The following DOP1A variants were observed in gnomAD, a reference collection of about 807,000 sequenced individuals.
The protein encoded by DOP1A is DOP1 leucine zipper like protein A, also known as protein DOP1A.
In DOP1A, 90 loss-of-function variants were observed where a neutral mutation model predicts 267.6. That is an observed-to-expected ratio of 0.34 (90% confidence interval 0.28 to 0.40). The LOEUF is 0.40. Among genes scored for constraint, DOP1A ranks in the 10% least tolerant of loss-of-function variants. DOP1A has a pLI of 1.00. For missense variants in DOP1A, 2,437 were observed against 2,900.4 expected, an observed-to-expected ratio of 0.84 and a Z score of 3.67; for synonymous variants, 932 against 999.1, an observed-to-expected ratio of 0.93 and a Z score of 1.27.
intron 15 of DOP1A, among the ~76,000 whole-genome samples, chr6:83,126,959 G>C (rs1275184832): frequency 6.6e-6 from 1 of 152,116 alleles, no homozygotes; most frequent in African/African-American, 2.4e-5. Context: ...CTGATTGGTT[G>C]GCTCGGGGAT....
At chr6:83,077,565 A>G (rs752211095) in intron 1 of DOP1A, among the ~76,000 whole-genome samples, 1 of 151,378 alleles carries the variant, frequency 6.6e-6, no homozygotes, top group East Asian at 1.9e-4. Flanking sequence ...AATCCTGGCT[A>G]CTCAGGAGGC....
At chr6:83,147,125 CT>C (rs1780757861) in intron 25 of DOP1A, 110 bp from the exon 26 acceptor site, 1 of 448,634 alleles carries the variant, frequency 2.2e-6, no homozygotes, top group Non-Finnish European at 3.9e-6. Context: ...TGATTTTGTT[CT>C]TTCAATTTTT....
intron 3 of DOP1A, among the ~76,000 whole-genome samples, chr6:83,100,293 A>G (rs962899210): frequency 2.6e-5 from 4 of 152,176 alleles, no homozygotes; most frequent in Non-Finnish European, 5.9e-5. Flanking sequence ...TACTGTAAAT[A>G]TCTACTTTGA....
intron 1 of DOP1A, among the ~76,000 whole-genome samples, chr6:83,087,829 T>C (rs1769559655): frequency 6.6e-6 from 1 of 152,112 alleles, no homozygotes; most frequent in South Asian, 2.1e-4. Context: ...AGGACAAGCT[T>C]TGGGGAAAAC....
intron 8 of DOP1A, 128 bp downstream of exon 8, chr6:83,119,115 A>G (rs1210335847): frequency 1.4e-6 from 1 of 730,418 alleles, no homozygotes; most frequent in Non-Finnish European, 2.3e-6. Flanking sequence ...AATGGACAAT[A>G]AAAATATAAA....
intron 1 of DOP1A, among the ~76,000 whole-genome samples, chr6:83,082,197 G>A (rs898793446): frequency 6.6e-6 from 1 of 152,136 alleles, no homozygotes; most frequent in Non-Finnish European, 1.5e-5. Flanking sequence ...AATGAAATCA[G>A]TATGTCAAAG....
chr6:83,104,481 A>T lies in DOP1A; in HGVS notation c.320+3595A>T, dbSNP rs191867471. Among the ~76,000 whole-genome samples, 428 of 152,106 alleles carry T rather than the reference A, an allele frequency of 2.8e-3. 2 individuals carry two copies. Among genetic ancestry groups the T allele is most frequent in the Non-Finnish European group, 5.1e-3 (347 of 67,958 alleles). The stretch of plus-strand genomic sequence containing the variant: ...CTTTGTTTAGTAGAGAATGGCTATG[A>T]TTTTACATTTTTATCTAATTTTGTT... On this transcript the variant is annotated intron_variant, in intron 4 of 38. Transcript: ENST00000349129.
Position 83,152,004 on chromosome 6 carries a change from C to G in DOP1A, c.6026C>G (p.Thr2009Ser). ...KPSPKIMVDG[T>S]NLESDVEDML... ...TCTCCCAAAATAATGGTAGATGGAA[C>G]CAATTTGGAATCTGATGTTGAAGGT... The change falls in exon 29 of 39, where the codon ACC becomes AGC. Residue 2009 changes from threonine to serine, a missense_variant. Transcript: ENST00000349129. 1.9e-6 allele frequency: 3 copies of G among 1,613,648 alleles called. No homozygotes were observed. Among genetic ancestry groups the G allele is most frequent in the Non-Finnish European group, 2.5e-6 (3 of 1,179,828 alleles).
chr6:83,123,011 T>C lies in DOP1A; in HGVS notation c.1340+29T>C, dbSNP rs750617328. On this transcript the variant is annotated intron_variant, in intron 12 of 38. Transcript: ENST00000349129. The stretch of plus-strand genomic sequence containing the variant: ...TGTTAAACTTTCATTCCTTTTAATT[T>C]CGTAACATCTAAAGCTAACCTTTGG... 6 of 1,572,288 alleles carry C rather than the reference T, an allele frequency of 3.8e-6. No homozygotes were observed. In the East Asian group the frequency reaches 1.2e-4, roughly 30 times the overall value.
At chr6:83,112,038 C>G (rs1305356349) in intron 6 of DOP1A, among the ~76,000 whole-genome samples, 1 of 152,018 alleles carries the variant, frequency 6.6e-6, no homozygotes, top group African/African-American at 2.4e-5. Context: ...AATGGCTATG[C>G]TTTTTAAATT....
intron 4 of DOP1A, among the ~76,000 whole-genome samples, chr6:83,107,173 G>A (rs555736699): frequency 6.1e-4 from 93 of 151,496 alleles, no homozygotes; most frequent in African/African-American, 2.1e-3. Context: ...TTTTTTTCTC[G>A]TTTTAGAATT....
chr6:83,145,579 T>A lies in DOP1A; in HGVS notation c.5597T>A (p.Ile1866Asn). ...QLLLVELVRSISVMRAETVIQ... is the reference protein window; with the variant it reads ...QLLLVELVRSNSVMRAETVIQ... ...TTATTAGTGGAATTGGTTCGTTCAA[T>A]CAGTGTCATGAGAGCAGAAACTGTT... Residue 1866 changes from isoleucine to asparagine, a missense_variant, in exon 25 of 39, where the codon ATC becomes AAC. Around this residue, in one of 9 missense-constraint regions of DOP1A, gnomAD observed 307 missense variants for 308.6 expected, o/e 0.99. Transcript: ENST00000349129. 6.2e-7 allele frequency: 1 copy of A among 1,612,530 alleles called. No homozygotes were observed. Among genetic ancestry groups the A allele is most frequent in the Admixed American group, 1.7e-5 (1 of 59,960 alleles).
rs149855399 is a variant in DOP1A, at chr6:83,137,980, C to G, written c.3938C>G (p.Ser1313Cys). ...ARKKDDDKKK[S>C]SNEKLKQTSV... Reference sequence around the variant, plus strand: ...AAAAAGGATGATGACAAGAAAAAATCTTCAAATGAAAAACTCAAACAAACC... The same window carrying G: ...AAAAAGGATGATGACAAGAAAAAATGTTCAAATGAAAAACTCAAACAAACC... The change falls in exon 21 of 39, where the codon TCT becomes TGT. Residue 1313 changes from serine to cysteine, a missense_variant. Ser to Cys is a moderately radical substitution (Grantham distance 112). Around this residue, in one of 9 missense-constraint regions of DOP1A, gnomAD observed 878 missense variants for 992.9 expected, o/e 0.88. Transcript: ENST00000349129. The G allele has an allele frequency of 5.5e-5, 88 of 1,605,488 alleles. 1 individual carries two copies. In the African/African-American group the frequency reaches 1.1e-3, roughly 20 times the overall value.
At chr6:83,073,197 A>G (rs1263254118) in intron 1 of DOP1A, 2 of 165,150 alleles carry the variant, frequency 1.2e-5, no homozygotes, top group Non-Finnish European at 2.6e-5. Context: ...ATTCTCCTGC[A>G]TCAGCCTTCC....
At chr6:83,139,862 T>G in intron 21 of DOP1A, 138 bp from the exon 22 acceptor site, 1 of 573,080 alleles carries the variant, frequency 1.7e-6, no homozygotes. Context: ...GCCCCTGATT[T>G]ATTCTTTTAG....
chr6:83,132,122 T>A (rs1375227364), intron 17 of DOP1A, 54 bp from the exon 18 acceptor site: 5 of 1,568,924 alleles, frequency 3.2e-6, no homozygotes, highest in Non-Finnish European at 4.4e-6. Flanking sequence ...AGGAAATATT[T>A]GTTAAATTTT....
At chr6:83,108,494 T>C (rs1774028635) in intron 4 of DOP1A, among the ~76,000 whole-genome samples, 1 of 152,182 alleles carries the variant, frequency 6.6e-6, no homozygotes, top group African/African-American at 2.4e-5. Flanking sequence ...GAGTAGAAGA[T>C]TTTTAAAGCT....
intron 21 of DOP1A, among the ~76,000 whole-genome samples, chr6:83,139,487 A>C (rs546553511): frequency 6.6e-6 from 1 of 152,268 alleles, no homozygotes; most frequent in East Asian, 1.9e-4. Flanking sequence ...TGTCTGTTTT[A>C]TCTAAGTGCA....
intron 11 of DOP1A, among the ~76,000 whole-genome samples, chr6:83,122,304 A>G (rs1003263067): frequency 1.3e-5 from 2 of 151,930 alleles, no homozygotes. Context: ...AAGGGTTGCC[A>G]CTTGAAATAA....
Sources: allele counts gnomAD v4.1 joint callset (sites outside exome capture counted in the v4.1 genomes callset), GRCh38; gene constraint gnomAD v4.1.1; regional missense constraint gnomAD v4.1.1; transcripts MANE v1.5; gene names NCBI Gene and HGNC (gene_info 2026-07-23, HGNC 2026-07-21).